Variants in DNAH9 observed in about 807,000 individuals in gnomAD.
DNAH9 encodes the protein dynein axonemal heavy chain 9.
DNAH9 carries 345 observed loss-of-function variants against 471.6 expected under a neutral mutation model. The observed-to-expected ratio is 0.73, with a 90% CI of 0.67 to 0.80. The LOEUF is 0.80. DNAH9 is among the 30% of genes least tolerant of loss of function. The pLI is 0.00. For missense variants in DNAH9, 5,407 were observed against 5,609.2 expected (o/e 0.96, Z 1.15); for synonymous variants, 2,093 against 2,123.6 (o/e 0.99, Z 0.40).
At chr17:11,769,027 G>A (rs918218147) in intron 37 of DNAH9, 95 bp from the exon 38 acceptor site, 7 of 1,312,156 alleles carry the variant, frequency 5.3e-6, no homozygotes, top group South Asian at 1.2e-5. Flanking sequence ...CCATCGTGAC[G>A]GAATCCCCTG....
intron 59 of DNAH9, among the ~76,000 whole-genome samples, chr17:11,900,101 A>AAC (rs386385676): frequency 5.9e-5 from 1 of 17,022 alleles, no homozygotes; most frequent in Non-Finnish European, 1.1e-3. Flanking sequence ...TTTCCAAATG[A>AAC]AAAAAAAAAC....
At chr17:11,667,237 A>G (rs1378145696) in intron 15 of DNAH9, among the ~76,000 whole-genome samples, 2 of 152,202 alleles carry the variant, frequency 1.3e-5, no homozygotes, top group East Asian at 1.9e-4. Flanking sequence ...AGAATATGTC[A>G]TGAGTATATA....
Position 11,679,937 on chromosome 17 carries a change from C to T in DNAH9, c.3534C>T (p.Thr1178=). Residue 1178 remains threonine, a synonymous_variant, in exon 18 of 69, where the codon ACC becomes ACT. Transcript: ENST00000262442. ...AGCAGACTATTGAATTGCTGAAGAC[C>T]TATGAACAAGAATTGCCAGAAACAG... ...PLKQTIELLK[T]YEQELPETVF... 6.2e-7 allele frequency: 1 copy of T among 1,614,036 alleles called. No homozygotes were observed. The highest frequency in any genetic ancestry group is 8.5e-7 in the Non-Finnish European group (1 of 1,179,982).
intron 41 of DNAH9, among the ~76,000 whole-genome samples, chr17:11,792,375 T>C (rs1969096207): frequency 6.6e-6 from 1 of 152,184 alleles, no homozygotes; most frequent in Non-Finnish European, 1.5e-5. Context: ...TGAATTTAAG[T>C]AAAGACCCAT....
chr17:11,921,010 G>C (rs9893877), intron 61 of DNAH9, among the ~76,000 whole-genome samples: 1 of 151,708 alleles, frequency 6.6e-6, no homozygotes, highest in Non-Finnish European at 1.5e-5. Context: ...TCATGGTGGC[G>C]GGCACCTGTA....
At chr17:11,837,979 T>TTGCTTC (rs1970902041) in intron 49 of DNAH9, among the ~76,000 whole-genome samples, 1 of 152,018 alleles carries the variant, frequency 6.6e-6, no homozygotes, top group African/African-American at 2.4e-5. Context: ...AGTCACCTCA[T>TTGCTTC]CAGGAAGCAA....
chr17:11,680,874 A>G lies in DNAH9; in HGVS notation c.3728A>G (p.Lys1243Arg), dbSNP rs1181646392. The change falls in exon 19 of 69, where the codon AAA (lysine) becomes AGA (arginine). Residue 1243 changes from lysine to arginine, a missense_variant. Physicochemically the swap from Lys to Arg is conservative, Grantham distance 26 (BLOSUM62 2). This residue lies in a region of DNAH9 where 4,636 missense variants were observed against 4,900.3 expected (regional missense o/e 0.95). Transcript: ENST00000262442. ...EQQQFWEQFH[K>R]EAPFRFDSIH... ...CAGCAATTCTGGGAGCAATTCCACA[A>G]AGAAGCCCCGTTCAGGTATGGGCCG... is the stretch of plus-strand genomic sequence containing the variant. 1 of 1,611,870 alleles carries G rather than the reference A, an allele frequency of 6.2e-7. No homozygotes were observed. Among genetic ancestry groups the G allele is most frequent in the Non-Finnish European group, 8.5e-7 (1 of 1,179,128 alleles).
Position 11,626,042 on chromosome 17 carries a change from T to C in DNAH9, c.1351-3375T>C, listed in dbSNP as rs747903750. On this transcript the variant is annotated intron_variant, in intron 6 of 68. Transcript: ENST00000262442. The surrounding 1 kb of genome is among the most constrained non-coding windows in gnomAD (Gnocchi z 4.3). ...GTTAGGTGTCTTGCTTTAAGCCACA[T>C]AGCTAGTAAATGATGGAACCAGAGT... Among the ~76,000 whole-genome samples the C allele has an allele frequency of 2.6e-5, 4 of 152,182 alleles. No individual in the cohort carries two copies. Among genetic ancestry groups the C allele is most frequent in the Non-Finnish European group, 5.9e-5 (4 of 68,040 alleles).
intron 34 of DNAH9, 110 bp downstream of exon 34, chr17:11,756,786 G>A: frequency 1.4e-6 from 1 of 708,970 alleles, no homozygotes; most frequent in South Asian, 1.6e-5. Flanking sequence ...GGAGCCAGAA[G>A]CCTCACGTGC....
chr17:11,730,927 G>C (rs1415804306), intron 28 of DNAH9, among the ~76,000 whole-genome samples: 1 of 135,122 alleles, frequency 7.4e-6, no homozygotes, highest in African/African-American at 2.6e-5. Context: ...GATGATGGTG[G>C]TGGTGGTGAT....
chr17:11,791,757 T>C (rs1042709507), intron 41 of DNAH9, among the ~76,000 whole-genome samples: 1 of 152,224 alleles, frequency 6.6e-6, no homozygotes, highest in South Asian at 2.1e-4. Flanking sequence ...AATTCTTCTA[T>C]AATCGAGACG....
intron 11 of DNAH9, among the ~76,000 whole-genome samples, chr17:11,646,041 G>C (rs1409786189): frequency 6.6e-6 from 1 of 151,656 alleles, no homozygotes; most frequent in Non-Finnish European, 1.5e-5. Context: ...CACCACACCC[G>C]GCTAATTTTT....
intron 1 of DNAH9, among the ~76,000 whole-genome samples, chr17:11,600,670 C>G (rs1018300547): frequency 9.2e-5 from 14 of 151,994 alleles, no homozygotes; most frequent in African/African-American, 3.4e-4. Context: ...TTTTTTGAGG[C>G]AGGGTCTTGC....
intron 49 of DNAH9, 50 bp from the exon 50 acceptor site, chr17:11,853,953 C>G (rs771212974): frequency 6.4e-7 from 1 of 1,566,002 alleles, no homozygotes; most frequent in South Asian, 1.2e-5. Flanking sequence ...TGGCAGAGGA[C>G]AAAGAAAGCC....
rs572360038 is a variant in DNAH9 at position 11,871,521 on chromosome 17, C to T, written c.10054-77C>T. ...CCCGCTATGAAGCGTGCAGCGGGCGCTCTCCATGATGGAATCACGGCTCTA... is the reference window on the plus strand; with the variant it reads ...CCCGCTATGAAGCGTGCAGCGGGCGTTCTCCATGATGGAATCACGGCTCTA... On this transcript the variant is annotated intron_variant, in intron 51 of 68. Coordinates refer to ENST00000262442, the MANE Select transcript of DNAH9 (RefSeq NM_001372.4). The T allele has an allele frequency of 2.4e-4, 320 of 1,354,402 alleles. 3 individuals are homozygous for T. The South Asian group carries it at 3.8e-3, about 16-fold the overall frequency. The allele number at this position is 1,354,402 out of a possible 1,614,324, so 83.9% of individuals were successfully genotyped here. A position where few individuals can be genotyped will look rare whatever the true frequency, so the allele number is the denominator to read the frequency against.
intron 45 of DNAH9, among the ~76,000 whole-genome samples, chr17:11,812,196 A>T (rs1439978460): frequency 1.3e-5 from 2 of 150,272 alleles, no homozygotes; most frequent in African/African-American, 4.9e-5. Flanking sequence ...CTACAAAACC[A>T]CCTCTTCATC....
In DNAH9 at chr17:11,894,754, T is replaced by C. The variant is rs187326297; in HGVS notation, c.11406+258T>C. Reference sequence around the variant, plus strand: ...AACAGAAAGTTCCTGTGAGCTCCCCTAAGTCACCTGAGCTGCTTTTCACCT... The same window carrying C: ...AACAGAAAGTTCCTGTGAGCTCCCCCAAGTCACCTGAGCTGCTTTTCACCT... On this transcript the variant is annotated intron_variant, in intron 59 of 68. Transcript: ENST00000262442. 2.4e-4 allele frequency among the ~76,000 whole-genome samples: 37 copies of C among 152,314 alleles called. 1 individual carries two copies. The highest frequency in any genetic ancestry group is 8.4e-4 in the African/African-American group (35 of 41,578).
chr17:11,794,371 T>C (rs1355639506), intron 42 of DNAH9, among the ~76,000 whole-genome samples: 1 of 152,218 alleles, frequency 6.6e-6, no homozygotes, highest in African/African-American at 2.4e-5. Context: ...CTGAGCAATT[T>C]TGAAACTTGG....
chr17:11,615,053 G>A (rs2072713728), intron 4 of DNAH9, among the ~76,000 whole-genome samples: 1 of 152,158 alleles, frequency 6.6e-6, no homozygotes, highest in African/African-American at 2.4e-5. Flanking sequence ...CTCGTGAAGG[G>A]CTGCTATATG....
Sources: gnomAD v4.1 joint callset for allele counts (sites outside exome capture counted in the v4.1 genomes callset) on GRCh38, gnomAD v4.1.1 for gene constraint, gnomAD v4.1.1 regional missense constraint, Gnocchi (gnomAD v3.1) non-coding constraint, MANE v1.5 for transcripts, NCBI Gene and HGNC (gene_info 2026-07-23, HGNC 2026-07-21) for gene names.